Variants in CDH13 observed in about 807,000 individuals in gnomAD.
The protein encoded by CDH13 is cadherin-13.
CDH13 carries 24 observed loss-of-function variants against 63.8 expected under a neutral mutation model. That is an observed-to-expected ratio of 0.38 (90% CI 0.27 to 0.53). The LOEUF (loss-of-function observed/expected upper bound fraction) is 0.53. CDH13 is among the 20% of genes least tolerant of loss of function. CDH13 has a pLI of 0.85. For synonymous variants in CDH13, 503 were observed against 355.3 expected (o/e 1.42, Z -4.67); for missense variants, 1,049 against 903.1 (o/e 1.16, Z -2.07).
chr16:83,588,999 G>T (rs1906451678), intron 7 of CDH13, among the ~76,000 whole-genome samples: 1 of 152,200 alleles, frequency 6.6e-6, no homozygotes, highest in South Asian at 2.1e-4. Context: ...ATCCGTGGCA[G>T]ACAGCAGCAC....
At chr16:83,264,462 A>T (rs1050410966) in intron 5 of CDH13, among the ~76,000 whole-genome samples, 1 of 152,076 alleles carries the variant, frequency 6.6e-6, no homozygotes, top group Non-Finnish European at 1.5e-5. Flanking sequence ...TACATCGTAT[A>T]TATGTATATA....
intron 7 of CDH13, among the ~76,000 whole-genome samples, chr16:83,511,333 G>T (rs1431123604): frequency 6.6e-6 from 1 of 152,072 alleles, no homozygotes; most frequent in Non-Finnish European, 1.5e-5. Flanking sequence ...GTAGTGGCAG[G>T]TGCCTGTAAC....
At chr16:83,604,460 C>T (rs1259891330) in intron 8 of CDH13, among the ~76,000 whole-genome samples, 1 of 152,138 alleles carries the variant, frequency 6.6e-6, no homozygotes, top group Non-Finnish European at 1.5e-5. Flanking sequence ...ACTTCAGGGT[C>T]AAGTAGATGT....
chr16:83,190,110 C>G (rs2038651379), intron 4 of CDH13, among the ~76,000 whole-genome samples: 1 of 152,178 alleles, frequency 6.6e-6, no homozygotes, highest in South Asian at 2.1e-4. Context: ...TGAGAACAGA[C>G]TAATACACAC....
intron 7 of CDH13, among the ~76,000 whole-genome samples, chr16:83,523,078 C>T (rs1259171506): frequency 6.6e-6 from 1 of 152,176 alleles, no homozygotes; most frequent in South Asian, 2.1e-4. Context: ...CCCGGCCTCC[C>T]TATTCCACCC....
intron 7 of CDH13, among the ~76,000 whole-genome samples, chr16:83,522,224 T>C (rs1161875805): frequency 6.6e-6 from 1 of 152,220 alleles, no homozygotes; most frequent in Non-Finnish European, 1.5e-5. Flanking sequence ...ATTGAATCTT[T>C]ATGGAAAGGC....
intron 6 of CDH13, among the ~76,000 whole-genome samples, chr16:83,382,714 G>A (rs1322307013): frequency 6.6e-6 from 1 of 152,154 alleles, no homozygotes; most frequent in Non-Finnish European, 1.5e-5. Context: ...CTGCAACAGT[G>A]AGAAATCTTC....
chr16:83,407,101 C>G (rs528593467), intron 6 of CDH13, among the ~76,000 whole-genome samples: 1 of 152,152 alleles, frequency 6.6e-6, no homozygotes, highest in South Asian at 2.1e-4. Flanking sequence ...TAATTTTGAG[C>G]GCCTACTGTG....
At position 82,869,181 on chromosome 16, in the gene CDH13, G is replaced by A. The variant is rs2040257224; in HGVS notation, c.157+10708G>A. 2.0e-5 allele frequency among the ~76,000 whole-genome samples: 3 copies of A among 152,140 alleles called. No homozygotes were observed. In the South Asian group the frequency reaches 6.2e-4, roughly 32 times the overall value. On this transcript the variant is annotated intron_variant, in intron 2 of 13. Coordinates refer to ENST00000567109, the MANE Select transcript of CDH13 (RefSeq NM_001257.5). ...CATGCCTCAGCCTTCCGAGTAGCTG[G>A]GACTACAGAAGTGCACCACCACGCC... is the stretch of plus-strand genomic sequence containing the variant.
chr16:83,214,356 G>T (rs545449889), intron 4 of CDH13, among the ~76,000 whole-genome samples: 1 of 151,884 alleles, frequency 6.6e-6, no homozygotes, highest in Non-Finnish European at 1.5e-5. Context: ...GAGGCGGGTG[G>T]ATCACATCAG....
rs185388607 is a variant in CDH13, at chr16:83,325,711, C to T, written c.637-19151C>T. On this transcript the variant is annotated intron_variant, in intron 5 of 13. Transcript: ENST00000567109. ...GCTCTCTGTTTTCTCTCCCCAGAAT[C>T]CCATATTTCCTTCCACCTTTGTTCT... 8.5e-5 allele frequency among the ~76,000 whole-genome samples: 13 copies of T among 152,242 alleles called. No individual in the cohort carries two copies. In the East Asian group the frequency reaches 2.3e-3, roughly 27 times the overall value.
chr16:83,489,567 G>T (rs73603861), intron 7 of CDH13, among the ~76,000 whole-genome samples: 1,862 of 152,300 alleles, frequency 0.012, 29 homozygotes, highest in African/African-American at 0.043. Context: ...GTGATTCCAA[G>T]TTCTTGTCTT....
At chr16:82,992,079 G>C (rs529457299) in intron 2 of CDH13, among the ~76,000 whole-genome samples, 42 of 152,326 alleles carry the variant, frequency 2.8e-4, no homozygotes, top group Non-Finnish European at 5.3e-4. Context: ...TTTCGTAGAA[G>C]TGAAACGGCA....
At chr16:83,220,260 C>A (rs552514372) in intron 5 of CDH13, among the ~76,000 whole-genome samples, 3 of 152,158 alleles carry the variant, frequency 2.0e-5, no homozygotes, top group Non-Finnish European at 4.4e-5. Context: ...GATCATTCTG[C>A]GGTTCTTTAT....
intron 2 of CDH13, among the ~76,000 whole-genome samples, chr16:82,874,079 C>A (rs533264039): frequency 3.9e-5 from 6 of 151,962 alleles, no homozygotes; most frequent in South Asian, 2.1e-4. Flanking sequence ...CACGATTCTA[C>A]GAGCGGGGTC....
chr16:83,790,545 G>A (rs939923278), intron 13 of CDH13, among the ~76,000 whole-genome samples: 8 of 152,052 alleles, frequency 5.3e-5, no homozygotes, highest in African/African-American at 1.2e-4. Flanking sequence ...GACTACAAGC[G>A]CCCGCCACCA....
chr16:83,033,681 G>T (rs1916589023), intron 3 of CDH13, among the ~76,000 whole-genome samples: 1 of 152,152 alleles, frequency 6.6e-6, no homozygotes, highest in South Asian at 2.1e-4. Flanking sequence ...CTTTATAAGT[G>T]TCACAAACTG....
At chr16:83,474,273 G>A (rs1862283980) in intron 6 of CDH13, among the ~76,000 whole-genome samples, 1 of 152,116 alleles carries the variant, frequency 6.6e-6, no homozygotes, top group Non-Finnish European at 1.5e-5. Flanking sequence ...ACTTTACACA[G>A]TCATAGGTGT....
At chr16:83,454,091 A>G (rs1440787020) in intron 6 of CDH13, among the ~76,000 whole-genome samples, 2 of 152,224 alleles carry the variant, frequency 1.3e-5, no homozygotes, top group East Asian at 1.9e-4. Flanking sequence ...TTCAGTCTGC[A>G]TGTTCCGTGA....
Sources: gnomAD v4.1 joint callset for allele counts (sites outside exome capture counted in the v4.1 genomes callset) on GRCh38, gnomAD v4.1.1 for gene constraint, MANE v1.5 for transcripts, NCBI Gene and HGNC (gene_info 2026-07-23, HGNC 2026-07-21) for gene names.